The following WDR47 variants were observed in gnomAD, a reference collection of about 807,000 sequenced individuals.
The protein encoded by WDR47 is WD repeat-containing protein 47.
A neutral mutation model predicts 97.2 loss-of-function variants in WDR47; 32 were observed. The observed-to-expected ratio is 0.33, with a 90% CI of 0.25 to 0.44. WDR47 has a LOEUF of 0.44. Among genes scored for constraint, WDR47 ranks in the 20% least tolerant of loss-of-function variants. The probability of loss-of-function intolerance (pLI) is 1.00; values close to 1 mark genes in which losing one functional copy is unlikely to be tolerated. For synonymous variants in WDR47, 375 were observed against 373.5 expected (o/e 1.00, Z -0.05); for missense variants, 782 against 1,102.3 (o/e 0.71, Z 4.11).
intron 3 of WDR47, among the ~76,000 whole-genome samples, chr1:109,014,362 G>T (rs1008527648): frequency 2.0e-5 from 3 of 151,844 alleles, no homozygotes; most frequent in Admixed American, 2.0e-4. Flanking sequence ...AAAAAATGGG[G>T]CTGAAAGGGT....
chr1:109,008,858 T>A (rs1420084727), intron 5 of WDR47, among the ~76,000 whole-genome samples: 2 of 152,132 alleles, frequency 1.3e-5, no homozygotes, highest in Non-Finnish European at 2.9e-5. Flanking sequence ...TCCACCCACC[T>A]CGGCCTCCCA....
At chr1:109,035,829 T>C (rs1662906970) in intron 1 of WDR47, among the ~76,000 whole-genome samples, 1 of 151,520 alleles carries the variant, frequency 6.6e-6, no homozygotes, top group South Asian at 2.1e-4. Context: ...TTTTTTTTTT[T>C]TAAGAGAAGG....
Position 108,971,545 on chromosome 1 carries a change from A to G in WDR47, c.2645T>C (p.Met882Thr). The change falls in exon 15 of 15, where the codon ATG becomes ACG. Residue 882 changes from methionine (M) to threonine (T), a missense_variant. Met to Thr is a moderately conservative substitution (Grantham distance 81, BLOSUM62 -1). This residue lies in a region of WDR47 where 228 missense variants were observed against 396.7 expected (regional missense o/e 0.57). Transcript: ENST00000369962. Reference protein sequence around the residue: ...QGDLTKQLPIMVVGEHKDKVI... With the variant: ...QGDLTKQLPITVVGEHKDKVI... ...TTTGTCCTTGTGCTCCCCCACCACC[A>G]TGATAGGAAGCTGCTTGGTGAGGTC... The G allele has an allele frequency of 6.2e-7, 1 of 1,614,158 alleles. No homozygotes were observed. Among genetic ancestry groups the G allele is most frequent in the Non-Finnish European group, 8.5e-7 (1 of 1,180,008 alleles).
chr1:109,017,697 A>C, intron 2 of WDR47, 96 bp from the exon 3 acceptor site: 1 of 922,482 alleles, frequency 1.1e-6, no homozygotes, highest in South Asian at 1.5e-5. Context: ...AAACTTCATA[A>C]AGCACACAAT....
At chr1:109,020,374 C>G (rs1347258884) in intron 2 of WDR47, among the ~76,000 whole-genome samples, 1 of 151,622 alleles carries the variant, frequency 6.6e-6, no homozygotes, top group Admixed American at 6.6e-5. Flanking sequence ...CATTCTCCTG[C>G]CTCAGCCTCC....
At chr1:109,028,036 GT>G (rs936334011) in intron 1 of WDR47, among the ~76,000 whole-genome samples, 6 of 152,108 alleles carry the variant, frequency 3.9e-5, no homozygotes, top group Non-Finnish European at 8.8e-5. Flanking sequence ...ATTTTAACAA[GT>G]TTAGGAACTA....
In WDR47 at chr1:109,025,222, G is replaced by T. The variant is rs188404804; in HGVS notation, c.-9-1701C>A. Among the ~76,000 whole-genome samples, 7 of 152,046 alleles carry T rather than the reference G, an allele frequency of 4.6e-5. No homozygotes were observed. The East Asian group carries it at 1.2e-3, about 25-fold the overall frequency. On this transcript the variant is annotated intron_variant, in intron 1 of 14. Coordinates refer to ENST00000369962, the MANE Select transcript of WDR47 (RefSeq NM_001142551.2). ...AGAGGTCGAGGTGGGAGGATCACAT[G>T]AGCCCAGGAGTGCGAGACAAGCCTG... is the stretch of plus-strand genomic sequence containing the variant.
At position 108,983,355 on chromosome 1, in the gene WDR47, C is replaced by A. The variant is rs755063924; in HGVS notation, c.2022G>T (p.Gln674His). The A allele has an allele frequency of 5.6e-6, 9 of 1,612,762 alleles. No homozygotes were observed. The Admixed American group carries it at 1.3e-4, about 24-fold the overall frequency. ...TGTCATTTGATCCTGTTGCTAATAA[C>A]TGCCCACAAGGACTCCAGGCCACAC... ...IYCVAWSPCG[Q>H]LLATGSNDKY... Residue 674 changes from glutamine (Q) to histidine (H), a missense_variant, in exon 11 of 15, where the codon CAG becomes CAT. Gln to His is a conservative substitution (Grantham distance 24). This residue lies in a region of WDR47 where 228 missense variants were observed against 396.7 expected (regional missense o/e 0.57). Coordinates refer to ENST00000369962, the MANE Select transcript of WDR47 (RefSeq NM_001142551.2).
chr1:109,025,606 C>T (rs1301826476), intron 1 of WDR47, among the ~76,000 whole-genome samples: 1 of 151,258 alleles, frequency 6.6e-6, no homozygotes, highest in Non-Finnish European at 1.5e-5. Flanking sequence ...TGGTGGCACG[C>T]ACCTGTAATC....
At chr1:109,025,986 T>C (rs1200961021) in intron 1 of WDR47, among the ~76,000 whole-genome samples, 3 of 152,116 alleles carry the variant, frequency 2.0e-5, no homozygotes, top group Non-Finnish European at 4.4e-5. Flanking sequence ...ACCATCCTCC[T>C]GTTCACAGAC....
At chr1:109,018,905 C>CA (rs571330486) in intron 2 of WDR47, among the ~76,000 whole-genome samples, 2 of 151,916 alleles carry the variant, frequency 1.3e-5, no homozygotes, top group South Asian at 2.1e-4. Flanking sequence ...CCCATCTCTA[C>CA]AAAAAATTTA....
At chr1:109,035,558 C>T (rs1196697921) in intron 1 of WDR47, among the ~76,000 whole-genome samples, 4 of 148,596 alleles carry the variant, frequency 2.7e-5, no homozygotes, top group South Asian at 2.1e-4. Flanking sequence ...AGTGCAGTGG[C>T]GCAATCTTGG....
intron 10 of WDR47, 77 bp from the exon 11 acceptor site, chr1:108,983,528 G>T: frequency 8.2e-7 from 1 of 1,218,402 alleles, no homozygotes. Flanking sequence ...TATTATACTT[G>T]TTCTTGAAGG....
chr1:108,999,228 CAA>C (rs35631324), intron 7 of WDR47, among the ~76,000 whole-genome samples: 5 of 120,894 alleles, frequency 4.1e-5, no homozygotes, highest in Admixed American at 1.6e-4. Context: ...ACTCTGTCCC[CAA>C]AAAAAAAAAA....
At chr1:109,001,344 C>T (rs1660172434) in intron 7 of WDR47, among the ~76,000 whole-genome samples, 1 of 152,016 alleles carries the variant, frequency 6.6e-6, no homozygotes, top group South Asian at 2.1e-4. Context: ...AAAATAAACA[C>T]ACACGTGTGT....
At chr1:109,023,244 A>G (rs554764335) in intron 2 of WDR47, 111 bp downstream of exon 2, 2 of 1,011,458 alleles carry the variant, frequency 2.0e-6, no homozygotes, top group Non-Finnish European at 2.7e-6. Context: ...AATTATACTT[A>G]CATAGCCTTT....
At chr1:108,981,337 T>C (rs1215739604) in intron 13 of WDR47, among the ~76,000 whole-genome samples, 4 of 152,158 alleles carry the variant, frequency 2.6e-5, no homozygotes, top group African/African-American at 9.7e-5. Flanking sequence ...AGAATATTTC[T>C]GGAAGAATAA....
At chr1:108,989,194 T>C (rs554354851) in intron 9 of WDR47, among the ~76,000 whole-genome samples, 2 of 152,346 alleles carry the variant, frequency 1.3e-5, no homozygotes, top group South Asian at 4.1e-4. Flanking sequence ...TGACCAGGAC[T>C]GACTGGACAT....
chr1:109,031,087 TAA>T (rs1355192368), intron 1 of WDR47, among the ~76,000 whole-genome samples: 2 of 140,178 alleles, frequency 1.4e-5, no homozygotes, highest in Non-Finnish European at 3.2e-5. Flanking sequence ...CTGTAATTAA[TAA>T]AGTCTGTTTA....
Sources: gnomAD v4.1 joint callset for allele counts (sites outside exome capture counted in the v4.1 genomes callset) on GRCh38, gnomAD v4.1.1 for gene constraint, gnomAD v4.1.1 regional missense constraint, MANE v1.5 for transcripts, NCBI Gene and HGNC (gene_info 2026-07-23, HGNC 2026-07-21) for gene names.